CGGBP1: variants seen among roughly 807,000 people sequenced by gnomAD.
CGGBP1 encodes the protein CGG triplet repeat binding protein 1.
CGGBP1 carries 4 observed loss-of-function variants against 11.4 expected under a neutral mutation model. That is an observed-to-expected ratio of 0.35 (90% CI 0.17 to 0.80). The LOEUF is 0.80. Among genes scored for constraint, CGGBP1 ranks in the 30% least tolerant of loss-of-function variants. The probability of loss-of-function intolerance (pLI) is 0.52; values close to 1 mark genes in which losing one functional copy is unlikely to be tolerated. For missense variants in CGGBP1, 135 were observed against 202.1 expected (o/e 0.67, Z 2.01); for synonymous variants, 76 against 74.1 (o/e 1.03, Z -0.13).
intron 2 of CGGBP1, among the ~76,000 whole-genome samples, chr3:88,085,543 A>G (rs1708295505): frequency 6.6e-6 from 1 of 152,204 alleles, no homozygotes; most frequent in Non-Finnish European, 1.5e-5. Context: ...TTTTGTTAAT[A>G]TAATATATTG....
chr3:88,099,447 G>A (rs552483839), intron 2 of CGGBP1, among the ~76,000 whole-genome samples: 2 of 152,290 alleles, frequency 1.3e-5, no homozygotes, highest in South Asian at 4.1e-4. Context: ...AGCTACCAAT[G>A]CCTTTCTTCA....
intron 2 of CGGBP1, among the ~76,000 whole-genome samples, chr3:88,132,139 A>G (rs1220681706): frequency 6.6e-6 from 1 of 152,180 alleles, no homozygotes; most frequent in Non-Finnish European, 1.5e-5. Context: ...ATTGTGTTCA[A>G]GCCATTCAGC....
chr3:88,057,655 TAA>T (rs1344121918), intron 2 of CGGBP1: 34 of 152,262 alleles, frequency 2.2e-4, no homozygotes, highest in Non-Finnish European at 3.7e-4. Context: ...CGTAATGCGT[TAA>T]GTCTTACTTT....
At chr3:88,059,089 C>A, upstream of CGGBP1, 1 of 803,790 alleles carries the variant, frequency 1.2e-6, no homozygotes, top group Non-Finnish European at 1.9e-6. Context: ...CTGTCGATTT[C>A]ACCAATAGTA....
intron 2 of CGGBP1, among the ~76,000 whole-genome samples, chr3:88,125,797 T>G (rs983835639): frequency 3.3e-5 from 5 of 152,198 alleles, no homozygotes; most frequent in Non-Finnish European, 5.9e-5. Flanking sequence ...AAGAGAAATT[T>G]TATGAACCTT....
rs1204551410 is a variant in CGGBP1 at position 88,068,727 on chromosome 3, C to T, written c.-228-10504G>A. 2.6e-5 allele frequency among the ~76,000 whole-genome samples: 4 copies of T among 152,046 alleles called. No individual in the cohort carries two copies. In the East Asian group the frequency reaches 7.7e-4, roughly 29 times the overall value. On this transcript the variant is annotated intron_variant, in intron 2 of 3. Transcript: ENST00000462901. Reference sequence around the variant, plus strand: ...GATAAGTTGTTTACCTGTTTTAGCTCATTTAATCCACTACCCTACAAGCTA... The same window carrying T: ...GATAAGTTGTTTACCTGTTTTAGCTTATTTAATCCACTACCCTACAAGCTA...
At chr3:88,084,727 T>C (rs1708249687) in intron 2 of CGGBP1, among the ~76,000 whole-genome samples, 2 of 152,282 alleles carry the variant, frequency 1.3e-5, no homozygotes, top group South Asian at 2.1e-4. Context: ...TACACGAAAC[T>C]CTTGAGTCAG....
At chr3:88,097,677 C>A (rs1270310261) in intron 2 of CGGBP1, among the ~76,000 whole-genome samples, 1 of 143,086 alleles carries the variant, frequency 7.0e-6, no homozygotes, top group Non-Finnish European at 1.5e-5. Context: ...GATTAAGAAA[C>A]TCACTCAAAA....
chr3:88,137,020 C>A (rs1363301019), intron 2 of CGGBP1, among the ~76,000 whole-genome samples: 1 of 151,848 alleles, frequency 6.6e-6, no homozygotes, highest in Non-Finnish European at 1.5e-5. Flanking sequence ...CATGGTGAAA[C>A]CCCATCTCTA....
At chr3:88,072,042 T>G (rs933468465) in intron 2 of CGGBP1, among the ~76,000 whole-genome samples, 1 of 152,162 alleles carries the variant, frequency 6.6e-6, no homozygotes, top group Non-Finnish European at 1.5e-5. Context: ...AATCTACATA[T>G]ATAAAGTACA....
chr3:88,083,380 T>C (rs1270807343), intron 2 of CGGBP1, among the ~76,000 whole-genome samples: 1 of 152,242 alleles, frequency 6.6e-6, no homozygotes, highest in Non-Finnish European at 1.5e-5. Context: ...AATTAAGATA[T>C]GACATTTTAT....
At chr3:88,068,906 C>A (rs1320432857) in intron 2 of CGGBP1, among the ~76,000 whole-genome samples, 1 of 151,978 alleles carries the variant, frequency 6.6e-6, no homozygotes, top group Non-Finnish European at 1.5e-5. Context: ...CAGTGCAATA[C>A]AATACATTGT....
intron 2 of CGGBP1, among the ~76,000 whole-genome samples, chr3:88,110,177 G>C (rs1705004061): frequency 6.6e-6 from 1 of 152,214 alleles, no homozygotes; most frequent in East Asian, 1.9e-4. Flanking sequence ...TACTATTATT[G>C]TGTTTTATAA....
rs1706496613 is a variant in CGGBP1, at chr3:88,054,507, TTCTAG to T, written c.*961_*965del. On this transcript the variant is annotated 3_prime_UTR_variant, in exon 4 of 4. Transcript: ENST00000482016. ...GGCAAAGCAGATAAAGTAAACTTGT[TTCTAG>T]TCTAGACTATTCACCTAAATAAACT... is the stretch of plus-strand genomic sequence containing the variant. 1 of 152,212 alleles carries T rather than the reference TTCTAG, an allele frequency of 6.6e-6. No homozygotes were observed. Among genetic ancestry groups the T allele is most frequent in the Non-Finnish European group, 1.5e-5 (1 of 68,030 alleles). The allele number at this position is 152,212 out of a possible 1,614,324, so 9.4% of individuals were successfully genotyped here.
intron 2 of CGGBP1, among the ~76,000 whole-genome samples, chr3:88,071,651 A>AACAG (rs1223336160): frequency 1.0e-3 from 153 of 151,158 alleles, no homozygotes; most frequent in African/African-American, 3.5e-3. Context: ...CAAACAAACA[A>AACAG]AAATTAGCCG....
At chr3:88,076,436 A>C (rs1167118303) in intron 2 of CGGBP1, among the ~76,000 whole-genome samples, 2 of 150,778 alleles carry the variant, frequency 1.3e-5, no homozygotes, top group African/African-American at 4.9e-5. Flanking sequence ...TTCTTTTTTG[A>C]TATCTGTCTA....
In CGGBP1 at chr3:88,116,577, CAT is replaced by C. The variant is rs1553698273; in HGVS notation, c.-229+24391_-229+24392del. ...ACATATATATACACACACACACACACATGCACATATATTATATATATGTGTGT... is the reference window on the plus strand; with the variant it reads ...ACATATATATACACACACACACACACGCACATATATTATATATATGTGTGT... On this transcript the variant is annotated intron_variant, in intron 2 of 3. Transcript: ENST00000462901. Among the ~76,000 whole-genome samples, 175 of 148,218 alleles carry C rather than the reference CAT, an allele frequency of 1.2e-3. 2 individuals are homozygous for C. The highest frequency in any genetic ancestry group is 4.1e-3 in the African/African-American group (167 of 40,360).
At chr3:88,149,427 C>T (rs1173185265) in intron 1 of CGGBP1, among the ~76,000 whole-genome samples, 2 of 152,280 alleles carry the variant, frequency 1.3e-5, no homozygotes, top group Admixed American at 6.5e-5. Flanking sequence ...AAGAGACGGT[C>T]CCGGCGTGTT....
In CGGBP1 at chr3:88,096,806, C is replaced by A. The variant is rs73844872; in HGVS notation, c.-228-38583G>T. Among the ~76,000 whole-genome samples the A allele has an allele frequency of 3.0e-3, 462 of 152,182 alleles. 3 individuals are homozygous for A. The highest frequency in any genetic ancestry group is 0.011 in the African/African-American group (444 of 41,530). ...ACCCTTGCCATTTACATTTACCTGT[C>A]CCCTAGTTTCCTAGTTTCTGTATCT... On this transcript the variant is annotated intron_variant, in intron 2 of 3. Transcript: ENST00000462901.
Sources: gnomAD v4.1 joint callset for allele counts (sites outside exome capture counted in the v4.1 genomes callset) on GRCh38, gnomAD v4.1.1 for gene constraint, MANE v1.5 for transcripts, NCBI Gene and HGNC (gene_info 2026-07-23, HGNC 2026-07-21) for gene names.